PRNP: variants seen among roughly 807,000 people sequenced by gnomAD.
PRNP encodes major prion protein.
PRNP carries 15 observed loss-of-function variants against 21.3 expected under a neutral mutation model. That is an observed-to-expected ratio of 0.71 (90% CI 0.47 to 1.09). The LOEUF (loss-of-function observed/expected upper bound fraction) is 1.09. PRNP is among the 50% of genes least tolerant of loss of function. PRNP has a pLI of 0.00. For synonymous variants in PRNP, 121 were observed against 123.1 expected (o/e 0.98, Z 0.11); for missense variants, 285 against 340.9 (o/e 0.84, Z 1.29).
At position 4,697,825 on chromosome 20, in the gene PRNP, C is replaced by T. The variant is rs762047692; in HGVS notation, c.-10-1386C>T. ...ATCAGGTGAGAAGTGATGGAAGCAC[C>T]GAATAAGATGGTCATGTTGGAAAAA... On this transcript the variant is annotated intron_variant, in intron 1 of 1. Coordinates refer to ENST00000379440, the MANE Select transcript of PRNP (RefSeq NM_000311.5). The surrounding 1 kb of genome is among the most constrained non-coding windows in gnomAD (Gnocchi z 4.6). Among the ~76,000 whole-genome samples the T allele has an allele frequency of 1.3e-5, 2 of 151,892 alleles. No individual in the cohort carries two copies. Among genetic ancestry groups the T allele is most frequent in the African/African-American group, 4.8e-5 (2 of 41,322 alleles).
chr20:4,687,045 G>A (rs940468035), intron 1 of PRNP, among the ~76,000 whole-genome samples: 1 of 152,030 alleles, frequency 6.6e-6, no homozygotes. Context: ...TGCCCAGAGG[G>A]TGCTTGGGGG....
chr20:4,690,078 G>A (rs2122201454), intron 1 of PRNP, among the ~76,000 whole-genome samples: 1 of 152,190 alleles, frequency 6.6e-6, no homozygotes, highest in South Asian at 2.1e-4. Context: ...ACCAGGTTGG[G>A]GACCCTTTGC....
intron 1 of PRNP, among the ~76,000 whole-genome samples, chr20:4,693,100 A>T (rs16990011): frequency 0.017 from 2,663 of 152,272 alleles, 79 homozygotes; most frequent in African/African-American, 0.06. Context: ...GTCCTATTTC[A>T]GTAGATGGCA....
chr20:4,698,088 A>G (rs1445368409), intron 1 of PRNP, among the ~76,000 whole-genome samples: 2 of 152,104 alleles, frequency 1.3e-5, no homozygotes, highest in Admixed American at 1.3e-4. Context: ...AGGGAGGCCA[A>G]GAGCTGGGCC....
In PRNP at chr20:4,699,203, T is replaced by G; in HGVS notation, c.-10-8T>G. The G allele has an allele frequency of 6.2e-7, 1 of 1,613,842 alleles. No individual in the cohort carries two copies. Among genetic ancestry groups the G allele is most frequent in the Non-Finnish European group, 8.5e-7 (1 of 1,179,976 alleles). The stretch of plus-strand genomic sequence containing the variant: ...TGGGACTCTGACGTTCTCCTCTTCA[T>G]TTTGCAGAGCAGTCATTATGGCGAA... On this transcript the variant is annotated splice_region_variant and splice_polypyrimidine_tract_variant and intron_variant, in intron 1 of 1. Transcript: ENST00000379440. This position sits in a 1 kb window ranked among gnomAD's most constrained non-coding sequence, Gnocchi z 5.8.
chr20:4,698,686 A>T (rs1283420747), intron 1 of PRNP, among the ~76,000 whole-genome samples: 1 of 152,220 alleles, frequency 6.6e-6, no homozygotes, highest in African/African-American at 2.4e-5. Flanking sequence ...AGTATATGCC[A>T]TTATAGGTTT....
chr20:4,687,822 ACTC>A (rs1921574296), intron 1 of PRNP, among the ~76,000 whole-genome samples: 1 of 152,134 alleles, frequency 6.6e-6, no homozygotes, highest in South Asian at 2.1e-4. Flanking sequence ...CTTAGGGAAA[ACTC>A]CTGGTAGAAT....
In PRNP at chr20:4,699,714, C is replaced by A; in HGVS notation, c.494C>A (p.Pro165His). 6.2e-7 allele frequency: 1 copy of A among 1,613,894 alleles called. No homozygotes were observed. The highest frequency in any genetic ancestry group is 8.5e-7 in the Non-Finnish European group (1 of 1,179,984). The part of the protein sequence containing the change: ...HRYPNQVYYR[P>H]MDEYSNQNNF... ...TACCCCAACCAAGTGTACTACAGGC[C>A]CATGGATGAGTACAGCAACCAGAAC... The change falls in exon 2 of 2, where the codon CCC (proline) becomes CAC (histidine). Residue 165 changes from proline (P) to histidine (H), a missense_variant. By Grantham distance (77) the Pro-to-His change is moderately conservative. Coordinates refer to ENST00000379440, the MANE Select transcript of PRNP (RefSeq NM_000311.5). This position sits in a 1 kb window ranked among gnomAD's most constrained non-coding sequence, Gnocchi z 5.8.
Position 4,700,329 on chromosome 20 carries a change from T to A in PRNP, c.*347T>A, listed in dbSNP as rs577509752. 6.4e-6 allele frequency: 3 copies of A among 465,156 alleles called. No homozygotes were observed. The highest frequency in any genetic ancestry group is 5.7e-5 in the South Asian group (3 of 52,614). 28.8% of individuals were successfully genotyped at this position (465,156 alleles called of 1,614,324 possible). On this transcript the variant is annotated 3_prime_UTR_variant, in exon 2 of 2. Coordinates refer to ENST00000379440, the MANE Select transcript of PRNP (RefSeq NM_000311.5). This position sits in a 1 kb window ranked among gnomAD's most constrained non-coding sequence, Gnocchi z 4.1. ...ACAGTCTGAAATACCTTTGCCTGGA[T>A]ACCTCTGGCTCCTTCAGCAGCTAGA... is the stretch of plus-strand genomic sequence containing the variant.
intron 1 of PRNP, among the ~76,000 whole-genome samples, chr20:4,693,579 C>T (rs1219016202): frequency 2.0e-5 from 3 of 152,092 alleles, no homozygotes; most frequent in African/African-American, 7.2e-5. Context: ...CATGATCTGA[C>T]CCTCACCACC....
At position 4,700,225 on chromosome 20, in the gene PRNP, T is replaced by C; in HGVS notation, c.*243T>C. On this transcript the variant is annotated 3_prime_UTR_variant, in exon 2 of 2. Transcript: ENST00000379440. The surrounding 1 kb of genome is among the most constrained non-coding windows in gnomAD (Gnocchi z 4.1). ...TGCTAATGCCAGGCCAGTAAAAGTA[T>C]AACAGCAAATAACCATTGGTTAATC... 1.6e-6 allele frequency: 2 copies of C among 1,260,956 alleles called. No homozygotes were observed. Among genetic ancestry groups the C allele is most frequent in the Non-Finnish European group, 2.2e-6 (2 of 894,742 alleles). The allele number at this position is 1,260,956 out of a possible 1,614,324, so 78.1% of individuals were successfully genotyped here.
chr20:4,698,433 A>AG (rs1195726120), intron 1 of PRNP, among the ~76,000 whole-genome samples: 1 of 152,192 alleles, frequency 6.6e-6, no homozygotes, highest in African/African-American at 2.4e-5. Flanking sequence ...GATAAAGGTA[A>AG]GGGGTTTCTG....
chr20:4,691,479 G>A (rs1388077923), intron 1 of PRNP, among the ~76,000 whole-genome samples: 1 of 152,184 alleles, frequency 6.6e-6, no homozygotes, highest in Non-Finnish European at 1.5e-5. Flanking sequence ...ATGAAAGAAT[G>A]TTGAATTTTG....
chr20:4,692,654 A>T (rs562762087), intron 1 of PRNP, among the ~76,000 whole-genome samples: 3 of 152,300 alleles, frequency 2.0e-5, no homozygotes, highest in African/African-American at 7.2e-5. Flanking sequence ...ATTGATTTTC[A>T]TTGAAAACTT....
intron 1 of PRNP, among the ~76,000 whole-genome samples, chr20:4,695,811 A>T (rs1272483634): frequency 6.6e-6 from 1 of 152,164 alleles, no homozygotes; most frequent in South Asian, 2.1e-4. Context: ...TACCTTTCAC[A>T]TGTAAGTCTT....
chr20:4,698,945 C>T (rs1251996948), intron 1 of PRNP, among the ~76,000 whole-genome samples: 3 of 152,182 alleles, frequency 2.0e-5, no homozygotes, highest in African/African-American at 7.2e-5. Flanking sequence ...AAATAATTCA[C>T]TCATAAAATG....
At chr20:4,695,863 A>G (rs893435793) in intron 1 of PRNP, among the ~76,000 whole-genome samples, 1 of 152,108 alleles carries the variant, frequency 6.6e-6, no homozygotes, top group African/African-American at 2.4e-5. Flanking sequence ...TTAGGGATCT[A>G]GTTTTCTTTT....
At chr20:4,687,458 G>A (rs752807808) in intron 1 of PRNP, among the ~76,000 whole-genome samples, 5 of 152,196 alleles carry the variant, frequency 3.3e-5, no homozygotes, top group Non-Finnish European at 5.9e-5. Context: ...ACGACCCTTG[G>A]GTCACCGGTC....
chr20:4,698,278 C>T (rs1257892600), intron 1 of PRNP, among the ~76,000 whole-genome samples: 1 of 152,130 alleles, frequency 6.6e-6, no homozygotes, highest in Non-Finnish European at 1.5e-5. Flanking sequence ...CTTCCCATTT[C>T]AATAATGTTA....
Sources: gnomAD v4.1 joint callset for allele counts (sites outside exome capture counted in the v4.1 genomes callset) on GRCh38, gnomAD v4.1.1 for gene constraint, Gnocchi (gnomAD v3.1) non-coding constraint, MANE v1.5 for transcripts, NCBI Gene and HGNC (gene_info 2026-07-23, HGNC 2026-07-21) for gene names.